Variants in GFRA1 observed in about 807,000 individuals in gnomAD.
The protein encoded by GFRA1 is GDNF family receptor alpha 1.
GFRA1 carries 16 observed loss-of-function variants against 51.6 expected under a neutral mutation model. The ratio of observed to expected loss-of-function variants is 0.31; its 90% CI spans 0.21 to 0.47. The LOEUF (loss-of-function observed/expected upper bound fraction) is 0.47, where lower values mean the gene tolerates loss of function less well. Ranked by LOEUF, GFRA1 falls within the 20% of genes least tolerant of loss-of-function variation. The pLI, the probability that GFRA1 is intolerant of heterozygous loss-of-function variation, is 1.00. For missense variants in GFRA1, 530 were observed against 594.3 expected (o/e 0.89, Z 1.13); for synonymous variants, 270 against 241.3 (o/e 1.12, Z -1.10).
At chr10:116,179,776 T>C (rs1410569654) in intron 5 of GFRA1, among the ~76,000 whole-genome samples, 4 of 152,190 alleles carry the variant, frequency 2.6e-5, no homozygotes, top group African/African-American at 9.7e-5. Context: ...AGAGGTGAAC[T>C]GTCCCATTCT....
chr10:116,255,751 A>G, intron 4 of GFRA1: 1 of 1,287,974 alleles, frequency 7.8e-7, no homozygotes, highest in South Asian at 1.2e-5. Context: ...ATGGCATTGC[A>G]CTCTGCACTT....
chr10:116,219,545 G>A (rs1259378252), intron 4 of GFRA1, among the ~76,000 whole-genome samples: 1 of 152,128 alleles, frequency 6.6e-6, no homozygotes, highest in Non-Finnish European at 1.5e-5. Flanking sequence ...CCTTTGAAAA[G>A]AGCCGCATAC....
Position 116,064,073 on chromosome 10 carries a change from C to CATGATGATCATCATCATGATA in GFRA1, c.*324_*325insTATCATGATGATGATCATCAT. ...TGATCATGATGATCATCATCATGAT[C>CATGATGATCATCATCATGATA]ATGATGATCATCATCATGATCATCA... On this transcript the variant is annotated 3_prime_UTR_variant, in exon 11 of 11. Coordinates refer to ENST00000355422, the MANE Select transcript of GFRA1 (RefSeq NM_005264.8). 1.4e-5 allele frequency: 2 copies of CATGATGATCATCATCATGATA among 145,910 alleles called. No homozygotes were observed. Among genetic ancestry groups the CATGATGATCATCATCATGATA allele is most frequent in the East Asian group, 1.5e-4 (1 of 6,824 alleles). The allele number at this position is 145,910 out of a possible 1,614,324, so 9.0% of individuals were successfully genotyped here.
intron 4 of GFRA1, among the ~76,000 whole-genome samples, chr10:116,252,424 T>C (rs1968459527): frequency 6.6e-6 from 1 of 152,158 alleles, no homozygotes; most frequent in South Asian, 2.1e-4. Flanking sequence ...ATTGCCGCCC[T>C]CACACTCAGG....
intron 4 of GFRA1, among the ~76,000 whole-genome samples, chr10:116,240,481 T>C (rs755618780): frequency 5.9e-5 from 9 of 152,214 alleles, no homozygotes; most frequent in Admixed American, 2.0e-4. Flanking sequence ...TAGAGATGGA[T>C]TTCTTTTGAA....
intron 9 of GFRA1, among the ~76,000 whole-genome samples, chr10:116,086,386 T>C (rs1281507177): frequency 6.6e-6 from 1 of 152,136 alleles, no homozygotes; most frequent in Non-Finnish European, 1.5e-5. Flanking sequence ...TTCTGGAACG[T>C]TTACTCTGCT....
intron 5 of GFRA1, among the ~76,000 whole-genome samples, chr10:116,142,001 T>G (rs557909995): frequency 6.6e-6 from 1 of 152,166 alleles, no homozygotes; most frequent in East Asian, 1.9e-4. Flanking sequence ...GCAGTGAGAA[T>G]TGAAGTTTGA....
chr10:116,104,568 A>G (rs1270512775), intron 6 of GFRA1, among the ~76,000 whole-genome samples: 3 of 152,176 alleles, frequency 2.0e-5, no homozygotes, highest in Non-Finnish European at 4.4e-5. Context: ...TGCCTTGGGT[A>G]TCTCTGCAGG....
rs1267031089 is a variant in GFRA1, at chr10:116,166,780, C to CTTCTTTTTT, written c.434-41224_434-41223insAAAAAAGAA. 1.7e-4 allele frequency among the ~76,000 whole-genome samples: 13 copies of CTTCTTTTTT among 76,450 alleles called. 1 individual carries two copies. The highest frequency in any genetic ancestry group is 7.6e-4 in the African/African-American group (13 of 17,026). The allele number at this position is 76,450 out of a possible 152,430, so 50.2% of individuals were successfully genotyped here. ...TCCCTTGAAGGATAGCAACAATCTTCTTTTTTTTTTTTTTTTTTTTTTTTT... is the reference window on the plus strand; with the variant it reads ...TCCCTTGAAGGATAGCAACAATCTTCTTCTTTTTTTTTTTTTTTTTTTTTTTTTTTTTTT... On this transcript the variant is annotated intron_variant, in intron 5 of 10. Transcript: ENST00000355422.
chr10:116,130,428 C>T (rs12776813), intron 5 of GFRA1, among the ~76,000 whole-genome samples: 19,102 of 151,918 alleles, frequency 0.13, 1,410 homozygotes, highest in East Asian at 0.2. Context: ...TATATGGAAA[C>T]GCAAAGGACA....
intron 5 of GFRA1, among the ~76,000 whole-genome samples, chr10:116,209,943 C>T (rs564114349): frequency 2.6e-5 from 4 of 152,152 alleles, no homozygotes; most frequent in South Asian, 2.1e-4. Flanking sequence ...ATTTGAAATC[C>T]GAGTAATACC....
chr10:116,100,485 GTCAC>G (rs545784388), intron 6 of GFRA1, among the ~76,000 whole-genome samples: 1 of 152,152 alleles, frequency 6.6e-6, no homozygotes, highest in East Asian at 1.9e-4. Flanking sequence ...AACATCACTG[GTCAC>G]TCACTCAGGA....
At chr10:116,090,830 T>C (rs118164895) in intron 8 of GFRA1, among the ~76,000 whole-genome samples, 7,167 of 152,304 alleles carry the variant, frequency 0.047, 232 homozygotes, top group Middle Eastern at 0.078. Flanking sequence ...GGCATTTTTC[T>C]ATATACAAGA....
At chr10:116,107,381 C>T (rs1957045678) in intron 6 of GFRA1, among the ~76,000 whole-genome samples, 1 of 152,144 alleles carries the variant, frequency 6.6e-6, no homozygotes, top group Non-Finnish European at 1.5e-5. Flanking sequence ...TAGAATTCAT[C>T]AAATAACTTG....
At chr10:116,071,859 T>G (rs1955409773) in intron 9 of GFRA1, among the ~76,000 whole-genome samples, 1 of 151,432 alleles carries the variant, frequency 6.6e-6, no homozygotes, top group African/African-American at 2.4e-5. Context: ...TTTATTCTAT[T>G]TTTTTTTTAA....
In GFRA1 at chr10:116,059,930, C is replaced by T. The variant is rs987775361; in HGVS notation, c.*4468G>A. On this transcript the variant is annotated 3_prime_UTR_variant, in exon 11 of 11. Transcript: ENST00000355422. ...GGAACAAAAATTAATTTGGGTCAAA[C>T]TAAATTTAGAGCTATTACGATGAAG... 2.6e-5 allele frequency: 4 copies of T among 152,080 alleles called. No individual in the cohort carries two copies. Among genetic ancestry groups the T allele is most frequent in the African/African-American group, 9.7e-5 (4 of 41,414 alleles). 9.4% of individuals were successfully genotyped at this position (152,080 alleles called of 1,614,324 possible).
At chr10:116,123,059 C>A (rs1157037541) in intron 6 of GFRA1, among the ~76,000 whole-genome samples, 1 of 152,260 alleles carries the variant, frequency 6.6e-6, no homozygotes. Flanking sequence ...AGGATCTCTG[C>A]TCCATCCCAT....
intron 5 of GFRA1, among the ~76,000 whole-genome samples, chr10:116,168,493 C>A (rs948985966): frequency 6.6e-6 from 1 of 152,158 alleles, no homozygotes; most frequent in African/African-American, 2.4e-5. Flanking sequence ...CAGCTATTTC[C>A]TTCTGCAACT....
intron 6 of GFRA1, among the ~76,000 whole-genome samples, chr10:116,121,428 G>A (rs1368068657): frequency 6.6e-6 from 1 of 152,174 alleles, no homozygotes; most frequent in Non-Finnish European, 1.5e-5. Flanking sequence ...CAAGGGGAAA[G>A]GAATCTGTCA....
Sources: gnomAD v4.1 joint callset for allele counts (sites outside exome capture counted in the v4.1 genomes callset) on GRCh38, gnomAD v4.1.1 for gene constraint, MANE v1.5 for transcripts, NCBI Gene and HGNC (gene_info 2026-07-23, HGNC 2026-07-21) for gene names.